AGBL1: variants seen among roughly 807,000 people sequenced by gnomAD.
AGBL1 encodes the protein cytosolic carboxypeptidase 4.
In AGBL1, 130 loss-of-function variants were observed where a neutral mutation model predicts 118.9. That is an observed-to-expected ratio of 1.09 (90% CI 0.95 to 1.26). The LOEUF (loss-of-function observed/expected upper bound fraction) is 1.26. Ranked by LOEUF, AGBL1 falls within the 50% of genes most tolerant of loss-of-function variation. The pLI, the probability that AGBL1 is intolerant of heterozygous loss-of-function variation, is 0.00. For missense variants in AGBL1, 1,584 were observed against 1,298.1 expected (o/e 1.22, Z -3.38); for synonymous variants, 555 against 478.9 (o/e 1.16, Z -2.08).
At chr15:86,262,966 C>T in intron 10 of AGBL1, 72 bp downstream of exon 10, 1 of 1,074,434 alleles carries the variant, frequency 9.3e-7, no homozygotes, top group Non-Finnish European at 1.4e-6. Flanking sequence ...GGAGGCCAAA[C>T]CAGGGTGTCC....
At chr15:86,559,074 A>G (rs114274689) in intron 21 of AGBL1, among the ~76,000 whole-genome samples, 3,422 of 152,002 alleles carry the variant, frequency 0.023, 64 homozygotes, top group Middle Eastern at 0.075. Flanking sequence ...GCATCACTAC[A>G]ATTTCTTCCT....
At chr15:86,126,053 C>A (rs77397004) in intron 1 of AGBL1, among the ~76,000 whole-genome samples, 1 of 152,092 alleles carries the variant, frequency 6.6e-6, no homozygotes, top group Admixed American at 6.6e-5. Context: ...ATTTTCTTCT[C>A]GGTGTCCTGT....
At chr15:86,684,164 G>A (rs958090974) in intron 22 of AGBL1, among the ~76,000 whole-genome samples, 5 of 152,262 alleles carry the variant, frequency 3.3e-5, no homozygotes, top group South Asian at 2.1e-4. Context: ...CTAACAGATC[G>A]TTATGGGGAT....
intron 24 of AGBL1, among the ~76,000 whole-genome samples, chr15:87,016,011 T>A (rs2081605234): frequency 6.6e-6 from 1 of 152,212 alleles, no homozygotes; most frequent in South Asian, 2.1e-4. Context: ...GACTTGATGT[T>A]ATCTGAGCTA....
intron 22 of AGBL1, among the ~76,000 whole-genome samples, chr15:86,748,297 A>G (rs1305843006): frequency 6.6e-6 from 1 of 152,018 alleles, no homozygotes; most frequent in African/African-American, 2.4e-5. Flanking sequence ...GTGTCTGTTC[A>G]TATCCTTCAC....
chr15:86,772,372 A>G (rs1409196417), intron 22 of AGBL1, among the ~76,000 whole-genome samples: 2 of 152,090 alleles, frequency 1.3e-5, no homozygotes, highest in Non-Finnish European at 2.9e-5. Flanking sequence ...ACCTATAAGA[A>G]TAACAAATTT....
intron 1 of AGBL1, among the ~76,000 whole-genome samples, chr15:86,112,749 A>G (rs1897474144): frequency 6.6e-6 from 1 of 152,220 alleles, no homozygotes; most frequent in African/African-American, 2.4e-5. Flanking sequence ...CACCCTCACC[A>G]GGGCTGGATT....
At chr15:86,192,752 C>T (rs1745063299) in intron 5 of AGBL1, among the ~76,000 whole-genome samples, 2 of 152,070 alleles carry the variant, frequency 1.3e-5, no homozygotes, top group African/African-American at 4.8e-5. Context: ...AAATACTATT[C>T]AGTCATTAAA....
intron 3 of AGBL1, among the ~76,000 whole-genome samples, chr15:86,152,954 C>T (rs2077134863): frequency 6.6e-6 from 1 of 152,180 alleles, no homozygotes; most frequent in Admixed American, 6.5e-5. Flanking sequence ...ATCAAAACCA[C>T]AATGAGATAC....
chr15:86,327,750 T>C (rs1305945428), intron 17 of AGBL1, among the ~76,000 whole-genome samples: 1 of 152,204 alleles, frequency 6.6e-6, no homozygotes, highest in East Asian at 1.9e-4. Context: ...GGAATCAGAA[T>C]GTATTTACAA....
intron 1 of AGBL1, among the ~76,000 whole-genome samples, chr15:86,128,274 C>T (rs565305316): frequency 3.2e-4 from 48 of 152,158 alleles, no homozygotes; most frequent in African/African-American, 1.2e-3. Context: ...CAGGGGAACT[C>T]CCATTTATCA....
intron 18 of AGBL1, among the ~76,000 whole-genome samples, chr15:86,511,611 A>C (rs928727735): frequency 6.6e-6 from 1 of 152,048 alleles, no homozygotes; most frequent in Admixed American, 6.6e-5. Context: ...CAAAATGGAA[A>C]TTATAATTAT....
chr15:86,113,212 TTTTTCTTTTC>T (rs144582554), intron 1 of AGBL1, among the ~76,000 whole-genome samples: 5,376 of 122,086 alleles, frequency 0.044, 277 homozygotes, highest in African/African-American at 0.11. Context: ...TTTCTTTTTC[TTTTTCTTTTC>T]TTTTCTTTTC....
rs549040456 is a variant in AGBL1, at chr15:87,008,913, A to T, written c.3324-19912A>T. 6.1e-4 allele frequency among the ~76,000 whole-genome samples: 93 copies of T among 152,328 alleles called. No homozygotes were observed. In the Middle Eastern group the frequency reaches 0.01, roughly 17 times the overall value. On this transcript the variant is annotated intron_variant, in intron 24 of 24. Transcript: ENST00000441037. ...ATTTCTAAGTAGCAAAGCATTCAAG[A>T]GATTACTTGGGTGCTGTTAAAAGCA... is the stretch of plus-strand genomic sequence containing the variant.
chr15:87,031,077 C>T (rs2081778145), downstream of AGBL1, among the ~76,000 whole-genome samples: 1 of 152,034 alleles, frequency 6.6e-6, no homozygotes, highest in African/African-American at 2.4e-5. Flanking sequence ...TTGCCTACTT[C>T]TTCAATTCCC....
At chr15:86,992,884 T>G (rs117007351) in intron 24 of AGBL1, among the ~76,000 whole-genome samples, 5,198 of 152,240 alleles carry the variant, frequency 0.034, 126 homozygotes, top group Middle Eastern at 0.068. Flanking sequence ...AGTCATAGTT[T>G]CCTTACGGGT....
intron 6 of AGBL1, among the ~76,000 whole-genome samples, chr15:86,238,030 T>C (rs919789561): frequency 6.6e-6 from 1 of 152,230 alleles, no homozygotes; most frequent in African/African-American, 2.4e-5. Context: ...GCATCCTGGT[T>C]CCTTCTTGTC....
At chr15:86,775,520 T>A (rs1313605364) in intron 22 of AGBL1, among the ~76,000 whole-genome samples, 1 of 152,114 alleles carries the variant, frequency 6.6e-6, no homozygotes, top group African/African-American at 2.4e-5. Context: ...TCAGGCAGCC[T>A]TGATATTTGA....
At chr15:86,618,487 T>A (rs1434526858) in intron 21 of AGBL1, among the ~76,000 whole-genome samples, 4 of 152,164 alleles carry the variant, frequency 2.6e-5, no homozygotes. Flanking sequence ...AAAATATAGA[T>A]CTCTGGGCTC....
Sources: gnomAD v4.1 joint callset for allele counts (sites outside exome capture counted in the v4.1 genomes callset) on GRCh38, gnomAD v4.1.1 for gene constraint, MANE v1.5 for transcripts, NCBI Gene and HGNC (gene_info 2026-07-23, HGNC 2026-07-21) for gene names.